The following GMEB1 variants were observed in gnomAD, a reference collection of about 807,000 sequenced individuals.
GMEB1 encodes the protein glucocorticoid modulatory element binding protein 1.
Under a neutral mutation model 52.4 loss-of-function variants are expected in GMEB1, and 6 were observed. The observed-to-expected ratio is 0.11, with a 90% CI of 0.06 to 0.23. The LOEUF is 0.23. Among genes scored for constraint, GMEB1 ranks in the 10% least tolerant of loss-of-function variants. The pLI, the probability that GMEB1 is intolerant of heterozygous loss-of-function variation, is 1.00. For synonymous variants in GMEB1, 255 were observed against 244.9 expected (o/e 1.04, Z -0.38); for missense variants, 486 against 685.6 (o/e 0.71, Z 3.25).
At chr1:28,669,436 G>A (rs1032885439) in intron 1 of GMEB1, among the ~76,000 whole-genome samples, 1 of 152,134 alleles carries the variant, frequency 6.6e-6, no homozygotes, top group African/African-American at 2.4e-5. Context: ...AGCCTTGGCG[G>A]GAGAGCAAGA....
intron 2 of GMEB1, among the ~76,000 whole-genome samples, chr1:28,688,198 G>A (rs1258197955): frequency 6.6e-6 from 1 of 152,148 alleles, no homozygotes; most frequent in Non-Finnish European, 1.5e-5. Context: ...CAGGAGAATC[G>A]CTTGAACCCG....
intron 1 of GMEB1, among the ~76,000 whole-genome samples, chr1:28,669,077 CG>C (rs1416494202): frequency 1.4e-5 from 2 of 146,308 alleles, no homozygotes; most frequent in African/African-American, 4.9e-5. Flanking sequence ...CCCGAGCCGC[CG>C]GGCCGCCCCC....
At chr1:28,673,523 G>A (rs937328437) in intron 1 of GMEB1, among the ~76,000 whole-genome samples, 25 of 152,086 alleles carry the variant, frequency 1.6e-4, no homozygotes, top group African/African-American at 5.3e-4. Flanking sequence ...CCAAAGTGCT[G>A]GGATTACAGG....
intron 5 of GMEB1, among the ~76,000 whole-genome samples, chr1:28,695,107 G>C (rs1404832164): frequency 1.3e-5 from 2 of 151,210 alleles, no homozygotes; most frequent in African/African-American, 4.9e-5. Flanking sequence ...TGAGATTACA[G>C]GTGCGCGCCA....
rs555285177 is a variant in GMEB1, at chr1:28,718,077, A to G, written c.*3304A>G. 2.0e-5 allele frequency: 3 copies of G among 152,308 alleles called. No individual in the cohort carries two copies. The highest frequency in any genetic ancestry group is 2.9e-5 in the Non-Finnish European group (2 of 68,040). The allele number at this position is 152,308 out of a possible 1,614,324, so 9.4% of individuals were successfully genotyped here. Reference sequence around the variant, plus strand: ...AGGTTCCCTTACAGCCCTGGTCTAGATGATCCTAGATGGGGTGAGACATAT... The same window carrying G: ...AGGTTCCCTTACAGCCCTGGTCTAGGTGATCCTAGATGGGGTGAGACATAT... On this transcript the variant is annotated 3_prime_UTR_variant, in exon 10 of 10. Coordinates refer to ENST00000373816, the MANE Select transcript of GMEB1 (RefSeq NM_001319674.2).
chr1:28,671,436 C>T (rs148448247), intron 1 of GMEB1, among the ~76,000 whole-genome samples: 42 of 152,106 alleles, frequency 2.8e-4, no homozygotes, highest in African/African-American at 9.9e-4. Context: ...AGTTTTCTGG[C>T]GGGCGCTGTG....
chr1:28,704,144 C>G (rs375013873), intron 7 of GMEB1, 48 bp from the exon 8 acceptor site: 20 of 1,520,258 alleles, frequency 1.3e-5, no homozygotes, highest in Non-Finnish European at 1.8e-5. Context: ...GCCTAAGTAT[C>G]TAGGTAGTGT....
At chr1:28,669,005 C>T (rs1668743553) in intron 1 of GMEB1, among the ~76,000 whole-genome samples, 166 bp downstream of exon 1, 1 of 125,696 alleles carries the variant, frequency 8.0e-6, no homozygotes, top group Non-Finnish European at 1.7e-5. Flanking sequence ...GCCGCCGCCG[C>T]CGGGGAGCGA....
chr1:28,695,656 C>T (rs929926068), intron 5 of GMEB1, among the ~76,000 whole-genome samples: 1 of 150,972 alleles, frequency 6.6e-6, no homozygotes. Flanking sequence ...AAAATTTTTT[C>T]GGCCGGGCGC....
chr1:28,701,268 C>CTTTT lies in GMEB1; in HGVS notation c.599-1156_599-1153dup, dbSNP rs67909525. Among the ~76,000 whole-genome samples the CTTTT allele has an allele frequency of 1.3e-4, 14 of 109,828 alleles. 1 individual carries two copies. Among genetic ancestry groups the CTTTT allele is most frequent in the African/African-American group, 5.0e-4 (14 of 28,222 alleles). The allele number at this position is 109,828 out of a possible 152,430, so 72.1% of individuals were successfully genotyped here. The stretch of plus-strand genomic sequence containing the variant: ...TTGATTCTCTTTGTTTAAAAGCTGT[C>CTTTT]TTTTTTTTTTTTTTTTTGAGATGAT... On this transcript the variant is annotated intron_variant, in intron 6 of 9. Coordinates refer to ENST00000373816, the MANE Select transcript of GMEB1 (RefSeq NM_001319674.2).
At chr1:28,705,225 C>T (rs976697415) in intron 8 of GMEB1, among the ~76,000 whole-genome samples, 3 of 150,598 alleles carry the variant, frequency 2.0e-5, no homozygotes, top group African/African-American at 7.3e-5. Context: ...CCTGTCTCCA[C>T]TAAAAATATG....
chr1:28,672,327 TCTC>T (rs938351233), intron 1 of GMEB1, among the ~76,000 whole-genome samples: 40 of 149,928 alleles, frequency 2.7e-4, no homozygotes, highest in South Asian at 4.2e-4. Context: ...TTCACGCCAT[TCTC>T]CTCCTCAGCC....
At chr1:28,702,692 C>A in intron 7 of GMEB1, 123 bp downstream of exon 7, 1 of 753,904 alleles carries the variant, frequency 1.3e-6, no homozygotes, top group Non-Finnish European at 2.2e-6. Context: ...TAAATACTAA[C>A]TATAGCTACA....
rs767912196 is a variant in GMEB1, at chr1:28,714,101, G to T, written c.1020G>T (p.Lys340Asn). The change falls in exon 10 of 10, where the codon AAG becomes AAT. Residue 340 changes from lysine (K) to asparagine (N), a missense_variant. Coordinates refer to ENST00000373816, the MANE Select transcript of GMEB1 (RefSeq NM_001319674.2). ...TDLERQLEEQ[K>N]KQGQDHRLKS... Reference sequence around the variant, plus strand: ...TGGAACGCCAGTTGGAGGAGCAGAAGAAGCAAGGCCAGGATCACAGGCTGA... The same window carrying T: ...TGGAACGCCAGTTGGAGGAGCAGAATAAGCAAGGCCAGGATCACAGGCTGA... The T allele has an allele frequency of 6.2e-7, 1 of 1,611,414 alleles. No homozygotes were observed. Among genetic ancestry groups the T allele is most frequent in the Non-Finnish European group, 8.5e-7 (1 of 1,177,704 alleles).
chr1:28,693,312 G>A (rs1317977015), intron 5 of GMEB1, among the ~76,000 whole-genome samples: 8 of 151,290 alleles, frequency 5.3e-5, no homozygotes, highest in Admixed American at 2.6e-4. Flanking sequence ...TCCGCCTCCC[G>A]GGTTCAAGCA....
intron 5 of GMEB1, among the ~76,000 whole-genome samples, chr1:28,694,039 A>AT (rs1200203637): frequency 6.6e-6 from 1 of 152,094 alleles, no homozygotes; most frequent in Admixed American, 6.6e-5. Flanking sequence ...TTCTGAAGAG[A>AT]TTTTACATGG....
chr1:28,712,289 C>T (rs1227982913), intron 9 of GMEB1, among the ~76,000 whole-genome samples: 1 of 152,190 alleles, frequency 6.6e-6, no homozygotes, highest in Admixed American at 6.5e-5. Context: ...GAACCTCCAA[C>T]AATCTGAAGC....
At chr1:28,684,240 A>G (rs1441273371) in intron 2 of GMEB1, among the ~76,000 whole-genome samples, 3 of 152,036 alleles carry the variant, frequency 2.0e-5, no homozygotes, top group African/African-American at 7.2e-5. Flanking sequence ...TACCCAGCAC[A>G]TTATCATTTC....
intron 8 of GMEB1, among the ~76,000 whole-genome samples, chr1:28,708,531 G>C (rs145824084): frequency 6.6e-6 from 1 of 151,510 alleles, no homozygotes; most frequent in Non-Finnish European, 1.5e-5. Context: ...GTGCAATCTC[G>C]GCTCACTGCA....
Sources: allele counts gnomAD v4.1 joint callset (sites outside exome capture counted in the v4.1 genomes callset), GRCh38; gene constraint gnomAD v4.1.1; transcripts MANE v1.5; gene names NCBI Gene and HGNC (gene_info 2026-07-23, HGNC 2026-07-21).